ADGRE1: variants seen among roughly 807,000 people sequenced by gnomAD.
ADGRE1 encodes EGF-like module receptor 1.
A neutral mutation model predicts 102.7 loss-of-function variants in ADGRE1; 82 were observed. That is an observed-to-expected ratio of 0.80 (90% CI 0.67 to 0.96). ADGRE1 has a LOEUF of 0.96. Ranked by LOEUF, ADGRE1 falls within the 40% of genes least tolerant of loss-of-function variation. ADGRE1 has a pLI of 0.00. For synonymous variants in ADGRE1, 398 were observed against 399.6 expected (o/e 1.00, Z 0.05); for missense variants, 1,032 against 1,085.3 (o/e 0.95, Z 0.69).
intron 15 of ADGRE1, among the ~76,000 whole-genome samples, chr19:6,925,199 G>A (rs1974847966): frequency 6.6e-6 from 1 of 152,130 alleles, no homozygotes; most frequent in African/African-American, 2.4e-5. Flanking sequence ...TTGGCTCACT[G>A]CAACCCCTGC....
intron 12 of ADGRE1, among the ~76,000 whole-genome samples, chr19:6,917,160 A>G (rs940607294): frequency 6.6e-6 from 1 of 152,136 alleles, no homozygotes; most frequent in Non-Finnish European, 1.5e-5. Flanking sequence ...ACTTTATTTA[A>G]AAAAGTAGGT....
intron 2 of ADGRE1, among the ~76,000 whole-genome samples, chr19:6,892,334 T>G (rs1159824993): frequency 6.6e-6 from 1 of 152,246 alleles, no homozygotes; most frequent in African/African-American, 2.4e-5. Context: ...TCTGTTTTTA[T>G]GATACTTTTT....
At chr19:6,908,220 C>T (rs1391296033) in intron 9 of ADGRE1, among the ~76,000 whole-genome samples, 2 of 152,256 alleles carry the variant, frequency 1.3e-5, no homozygotes, top group Admixed American at 1.3e-4. Context: ...CGGCCCATCC[C>T]TTCGTTTCCC....
chr19:6,915,876 G>A (rs35090409), intron 11 of ADGRE1, among the ~76,000 whole-genome samples: 34,744 of 138,230 alleles, frequency 0.25, 4,133 homozygotes, highest in Middle Eastern at 0.36. Flanking sequence ...AGCCGAGATC[G>A]TGCCACTGCA....
chr19:6,929,416 C>A (rs192067634), intron 17 of ADGRE1, among the ~76,000 whole-genome samples: 1 of 152,234 alleles, frequency 6.6e-6, no homozygotes, highest in East Asian at 1.9e-4. Flanking sequence ...TGGCCACCCA[C>A]CCTGATCTTT....
In ADGRE1 at chr19:6,934,420, T is replaced by A. The variant is rs955746976; in HGVS notation, c.2290-567T>A. 3.4e-4 allele frequency among the ~76,000 whole-genome samples: 22 copies of A among 64,622 alleles called. No homozygotes were observed. In the East Asian group the frequency reaches 4.6e-3, roughly 14 times the overall value. The allele number at this position is 64,622 out of a possible 152,430, so 42.4% of individuals were successfully genotyped here. Reference sequence around the variant, plus strand: ...TGGGTCAGAATTCTTCTTCTTCTTCTTTTTTTTTTTTTTTTTTTTGAGACA... The same window carrying A: ...TGGGTCAGAATTCTTCTTCTTCTTCATTTTTTTTTTTTTTTTTTTGAGACA... On this transcript the variant is annotated intron_variant, in intron 17 of 20. Coordinates refer to ENST00000312053, the MANE Select transcript of ADGRE1 (RefSeq NM_001974.5).
chr19:6,914,156 T>A (rs570182771), intron 11 of ADGRE1, among the ~76,000 whole-genome samples: 1 of 152,328 alleles, frequency 6.6e-6, no homozygotes, highest in East Asian at 1.9e-4. Flanking sequence ...ATGGTAGAAT[T>A]GTACTTCCTG....
At chr19:6,935,658 T>C (rs563147506) in intron 18 of ADGRE1, among the ~76,000 whole-genome samples, 1 of 152,342 alleles carries the variant, frequency 6.6e-6, no homozygotes, top group East Asian at 1.9e-4. Flanking sequence ...TAAACAATAC[T>C]GCCTTGAGCA....
intron 2 of ADGRE1, among the ~76,000 whole-genome samples, chr19:6,890,870 A>T (rs909253567): frequency 6.6e-6 from 1 of 152,202 alleles, no homozygotes; most frequent in Admixed American, 6.5e-5. Flanking sequence ...TGAGCTTTAT[A>T]AATGGTAGTG....
chr19:6,894,285 G>A (rs1035884912), intron 2 of ADGRE1, among the ~76,000 whole-genome samples: 19 of 152,168 alleles, frequency 1.2e-4, no homozygotes, highest in African/African-American at 4.3e-4. Flanking sequence ...GCACCTGGGA[G>A]CCTGCTCCCA....
chr19:6,908,973 C>T (rs1412018529), intron 10 of ADGRE1, among the ~76,000 whole-genome samples: 1 of 151,710 alleles, frequency 6.6e-6, no homozygotes, highest in Non-Finnish European at 1.5e-5. Context: ...GTCTCTACTA[C>T]AAATACAGAA....
intron 13 of ADGRE1, among the ~76,000 whole-genome samples, chr19:6,920,754 C>T (rs913395634): frequency 4.6e-5 from 7 of 152,140 alleles, no homozygotes; most frequent in South Asian, 2.1e-4. Context: ...AGGTGATCCA[C>T]CCGCCTCAGC....
chr19:6,926,751 C>G lies in ADGRE1; in HGVS notation c.2222+150C>G. 4.0e-6 allele frequency: 3 copies of G among 748,600 alleles called. No homozygotes were observed. In the South Asian group the frequency reaches 5.3e-5, roughly 13 times the overall value. The allele number at this position is 748,600 out of a possible 1,614,324, so 46.4% of individuals were successfully genotyped here. A position where few individuals can be genotyped will look rare whatever the true frequency, so the allele number is the denominator to read the frequency against. ...TTATGTACTATTGGTTTCAGGACCA[C>G]CATGTACAGCAGCATGGGTTGTGCA... On this transcript the variant is annotated intron_variant, in intron 16 of 20. Coordinates refer to ENST00000312053, the MANE Select transcript of ADGRE1 (RefSeq NM_001974.5).
At chr19:6,890,639 T>C (rs1973334822) in intron 2 of ADGRE1, 96 bp downstream of exon 2, 2 of 1,313,236 alleles carry the variant, frequency 1.5e-6, no homozygotes, top group Non-Finnish European at 2.1e-6. Flanking sequence ...TCCAGATGCT[T>C]GCTGGGAGCT....
intron 10 of ADGRE1, among the ~76,000 whole-genome samples, chr19:6,911,706 C>T (rs1974195440): frequency 6.6e-6 from 1 of 151,476 alleles, no homozygotes; most frequent in South Asian, 2.1e-4. Context: ...CACGTGTACA[C>T]ACACATATAC....
chr19:6,897,330 G>A (rs1382946335), intron 4 of ADGRE1, 26 bp downstream of exon 4: 1 of 1,613,006 alleles, frequency 6.2e-7, no homozygotes, highest in Admixed American at 1.7e-5. Context: ...TCCCAGGGAT[G>A]GGTCTTGGGT....
chr19:6,934,912 T>C, intron 17 of ADGRE1, 75 bp from the exon 18 acceptor site: 1 of 1,044,624 alleles, frequency 9.6e-7, no homozygotes, highest in Non-Finnish European at 1.3e-6. Flanking sequence ...CAGCCCAGAG[T>C]TCTCTTTTTA....
intron 6 of ADGRE1, among the ~76,000 whole-genome samples, chr19:6,903,211 C>T (rs1204476884): frequency 2.0e-5 from 3 of 152,088 alleles, no homozygotes; most frequent in Non-Finnish European, 4.4e-5. Flanking sequence ...GAGTCATTGC[C>T]ATAGAAAGGG....
At chr19:6,892,316 C>A (rs1024167113) in intron 2 of ADGRE1, among the ~76,000 whole-genome samples, 6 of 152,080 alleles carry the variant, frequency 3.9e-5, no homozygotes, top group African/African-American at 1.4e-4. Flanking sequence ...TCACGATAAT[C>A]CATTCCTTCT....
Sources: gnomAD v4.1 joint callset for allele counts (sites outside exome capture counted in the v4.1 genomes callset) on GRCh38, gnomAD v4.1.1 for gene constraint, MANE v1.5 for transcripts, NCBI Gene and HGNC (gene_info 2026-07-23, HGNC 2026-07-21) for gene names.